The following FMN1 variants were observed in gnomAD, a reference collection of about 807,000 sequenced individuals.
FMN1 encodes formin-1.
In FMN1, 110 loss-of-function variants were observed where a neutral mutation model predicts 132.4. The observed-to-expected ratio is 0.83, with a 90% CI of 0.71 to 0.97. The LOEUF is 0.97. FMN1 is among the 50% of genes least tolerant of loss of function. The pLI is 0.00. For synonymous variants in FMN1, 722 were observed against 651.7 expected (o/e 1.11, Z -1.64); for missense variants, 1,792 against 1,705.3 (o/e 1.05, Z -0.90).
chr15:33,117,762 A>G (rs1231725075), intron 4 of FMN1, among the ~76,000 whole-genome samples: 3 of 152,224 alleles, frequency 2.0e-5, no homozygotes, highest in Non-Finnish European at 2.9e-5. Flanking sequence ...GAAGGAACAC[A>G]AAGATTAATA....
intron 17 of FMN1, among the ~76,000 whole-genome samples, chr15:32,815,858 G>C (rs1166727134): frequency 6.6e-6 from 1 of 152,182 alleles, no homozygotes; most frequent in Non-Finnish European, 1.5e-5. Flanking sequence ...CTACACTGTG[G>C]ATTAACAGTG....
chr15:33,028,556 T>G lies in FMN1; in HGVS notation c.2162-20481A>C, dbSNP rs149591582. 4.5e-4 allele frequency among the ~76,000 whole-genome samples: 69 copies of G among 152,050 alleles called. No individual in the cohort carries two copies. In the East Asian group the frequency reaches 7.5e-3, roughly 17 times the overall value. On this transcript the variant is annotated intron_variant, in intron 6 of 20. Coordinates refer to ENST00000616417, the MANE Select transcript of FMN1 (RefSeq NM_001277313.2). ...ATAAAAATAAATAAATAAATAAAAA[T>G]TTTTAAAAAGGCAAGATACTTTTGG...
At chr15:32,931,109 T>C (rs1436790864) in intron 9 of FMN1, among the ~76,000 whole-genome samples, 1 of 152,198 alleles carries the variant, frequency 6.6e-6, no homozygotes, top group Non-Finnish European at 1.5e-5. Flanking sequence ...GGCAATTTGT[T>C]TTGAATTCAG....
chr15:32,999,640 G>C (rs2033978168), intron 7 of FMN1, among the ~76,000 whole-genome samples: 1 of 152,212 alleles, frequency 6.6e-6, no homozygotes, highest in Non-Finnish European at 1.5e-5. Context: ...TAGGAAATAT[G>C]CATGTGATAA....
At chr15:32,868,744 C>A (rs1479248038) in intron 16 of FMN1, among the ~76,000 whole-genome samples, 1 of 152,052 alleles carries the variant, frequency 6.6e-6, no homozygotes, top group Non-Finnish European at 1.5e-5. Flanking sequence ...ACGAGATACA[C>A]ATTTTTTTTT....
chr15:33,079,210 G>C (rs1468304201), intron 5 of FMN1, among the ~76,000 whole-genome samples: 1 of 152,154 alleles, frequency 6.6e-6, no homozygotes, highest in African/African-American at 2.4e-5. Context: ...CATCAGAATA[G>C]GAGACGAAGA....
intron 15 of FMN1, among the ~76,000 whole-genome samples, chr15:32,890,654 A>G (rs1407816965): frequency 6.6e-6 from 1 of 152,178 alleles, no homozygotes; most frequent in Non-Finnish European, 1.5e-5. Context: ...TAGATTCTGG[A>G]TACTAGTCCT....
chr15:32,962,105 T>TTTTTTATTATTATTATTA (rs1555505534), intron 9 of FMN1, among the ~76,000 whole-genome samples: 8 of 150,760 alleles, frequency 5.3e-5, no homozygotes, highest in African/African-American at 2.0e-4. Context: ...AGGGCAAGGA[T>TTTTTTATTATTATTATTA]TTATTATTAT....
chr15:32,962,305 C>T (rs539049336), intron 9 of FMN1, among the ~76,000 whole-genome samples: 18 of 152,190 alleles, frequency 1.2e-4, no homozygotes, highest in East Asian at 9.6e-4. Context: ...AAAGCTGAAA[C>T]TGGATCCCTT....
intron 9 of FMN1, among the ~76,000 whole-genome samples, chr15:32,930,803 T>G (rs974824833): frequency 3.3e-5 from 5 of 152,132 alleles, no homozygotes; most frequent in African/African-American, 1.2e-4. Flanking sequence ...CCCTATTTTT[T>G]AAAAAAGTTT....
chr15:32,935,773 G>A lies in FMN1; in HGVS notation c.3139-9512C>T, dbSNP rs546834027. Among the ~76,000 whole-genome samples, 3 of 152,050 alleles carry A rather than the reference G, an allele frequency of 2.0e-5. No homozygotes were observed. In the South Asian group the frequency reaches 6.3e-4, roughly 32 times the overall value. On this transcript the variant is annotated intron_variant, in intron 9 of 20. Coordinates refer to ENST00000616417, the MANE Select transcript of FMN1 (RefSeq NM_001277313.2). The stretch of plus-strand genomic sequence containing the variant: ...CTGCTGAATAGCTGGGATTACAGGC[G>A]TGCGCCACCCCACACAGCTAATTTT...
rs374834879 is a variant in FMN1, at chr15:32,968,721, C to G, written c.2980G>C (p.Asp994His). ...GGATAGGGGAGAACTTACCTCCTAT[C>G]ACTTATTTGTATCCTAGTCCAATAT... Reference protein sequence around the residue: ...PLYWTRIQISDRSQNATPTLW... With the variant: ...PLYWTRIQISHRSQNATPTLW... Residue 994 changes from aspartate to histidine, a missense_variant, in exon 8 of 21, where the codon GAT becomes CAT. By Grantham distance (81) the Asp-to-His change is moderately conservative (BLOSUM62 -1). Around this residue, in one of 3 missense-constraint regions of FMN1, gnomAD observed 1,150 missense variants for 1,043.1 expected, o/e 1.10. Transcript: ENST00000616417. 2 of 1,613,380 alleles carry G rather than the reference C, an allele frequency of 1.2e-6. No homozygotes were observed. Among genetic ancestry groups the G allele is most frequent in the Admixed American group, 3.3e-5 (2 of 59,954 alleles).
chr15:33,169,244 T>C lies in FMN1; in HGVS notation c.-132+10954A>G, dbSNP rs189247589. Among the ~76,000 whole-genome samples, 22 of 152,316 alleles carry C rather than the reference T, an allele frequency of 1.4e-4. No homozygotes were observed. In the East Asian group the frequency reaches 3.1e-3, roughly 21 times the overall value. On this transcript the variant is annotated intron_variant, in intron 3 of 20. Coordinates refer to ENST00000616417, the MANE Select transcript of FMN1 (RefSeq NM_001277313.2). ...TATAAATATACATTTATGAAACTAA[T>C]AAAAAAGCCAAAGCTTTGTTGCCCT...
intron 4 of FMN1, among the ~76,000 whole-genome samples, chr15:33,123,991 G>A (rs1962811834): frequency 6.6e-6 from 1 of 152,134 alleles, no homozygotes; most frequent in South Asian, 2.1e-4. Context: ...AGTAACCATA[G>A]CTACTAAGAC....
chr15:32,860,198 G>GAAAGA (rs2059234830), intron 16 of FMN1, among the ~76,000 whole-genome samples: 3 of 149,558 alleles, frequency 2.0e-5, no homozygotes, highest in African/African-American at 7.4e-5. Flanking sequence ...AGGAAGGAAG[G>GAAAGA]AAGGAAAGAA....
intron 5 of FMN1, among the ~76,000 whole-genome samples, chr15:33,069,506 A>G (rs576244882): frequency 2.0e-5 from 3 of 152,356 alleles, no homozygotes; most frequent in Non-Finnish European, 4.4e-5. Context: ...TGGAAATGGT[A>G]GCCATAAGGA....
In FMN1 at chr15:32,950,040, T is replaced by TATATATATACAC. The variant is rs1567449583; in HGVS notation, c.3138+14066_3138+14067insGTGTATATATAT. On this transcript the variant is annotated intron_variant, in intron 9 of 20. Transcript: ENST00000616417. ...ACACATATATATATATATACACATA[T>TATATATATACAC]ATATATATATACACATATATATATA... Among the ~76,000 whole-genome samples, 28 of 4,574 alleles carry TATATATATACAC rather than the reference T, an allele frequency of 6.1e-3. 6 individuals carry two copies. Among genetic ancestry groups the TATATATATACAC allele is most frequent in the African/African-American group, 9.4e-3 (25 of 2,660 alleles). The allele number at this position is 4,574 out of a possible 152,430, so 3.0% of individuals were successfully genotyped here. A position where few individuals can be genotyped will look rare whatever the true frequency, so the allele number is the denominator to read the frequency against.
At chr15:32,985,179 C>T (rs1339449974) in intron 7 of FMN1, among the ~76,000 whole-genome samples, 1 of 152,060 alleles carries the variant, frequency 6.6e-6, no homozygotes, top group East Asian at 1.9e-4. Flanking sequence ...GCTAAAAATG[C>T]TCACATAGAT....
In FMN1 at chr15:33,153,574, G is replaced by A. The variant is rs1595573574; in HGVS notation, c.1341C>T (p.Val447=). The A allele has an allele frequency of 1.3e-6, 2 of 1,536,260 alleles. No individual in the cohort carries two copies. The highest frequency in any genetic ancestry group is 2.4e-5 in the East Asian group (1 of 40,906). ...TTCTCGTTTCTGGGCGAGTGTGAGG[G>A]ACACTCGTGTGGACAGGGAAGCCCA... The part of the protein sequence containing the change: ...KRLGFPVHTS[V]PHTRPETRNK... Residue 447 remains valine (V), a synonymous_variant, in exon 4 of 21, where the codon GTC becomes GTT. Transcript: ENST00000616417.
Sources: gnomAD v4.1 joint callset for allele counts (sites outside exome capture counted in the v4.1 genomes callset) on GRCh38, gnomAD v4.1.1 for gene constraint, gnomAD v4.1.1 regional missense constraint, MANE v1.5 for transcripts, NCBI Gene and HGNC (gene_info 2026-07-23, HGNC 2026-07-21) for gene names.